The following DCLK1 variants were observed in gnomAD, a reference collection of about 807,000 sequenced individuals.
DCLK1 encodes the protein doublecortin like kinase 1.
Under a neutral mutation model 86.2 loss-of-function variants are expected in DCLK1, and 16 were observed. That is an observed-to-expected ratio of 0.19 (90% CI 0.13 to 0.28). DCLK1 has a LOEUF of 0.28. Ranked by LOEUF, DCLK1 falls within the 10% of genes least tolerant of loss-of-function variation. DCLK1 has a pLI of 1.00. For missense variants in DCLK1, 590 were observed against 940.2 expected (o/e 0.63, Z 4.87); for synonymous variants, 369 against 370.5 (o/e 1.00, Z 0.05).
intron 3 of DCLK1, among the ~76,000 whole-genome samples, chr13:36,063,880 A>T (rs548302606): frequency 6.6e-6 from 1 of 152,334 alleles, no homozygotes; most frequent in African/African-American, 2.4e-5. Context: ...AATATTTATT[A>T]CATGAATAAA....
In DCLK1 at chr13:36,031,558, A is replaced by C. The variant is rs552170500; in HGVS notation, c.723+80311T>G. Reference sequence around the variant, plus strand: ...TTTTATTGCCAGCAGGCCTTAAATTATTTCCTGGTAATACGTTTGACAATA... The same window carrying C: ...TTTTATTGCCAGCAGGCCTTAAATTCTTTCCTGGTAATACGTTTGACAATA... On this transcript the variant is annotated intron_variant, in intron 3 of 16. Transcript: ENST00000360631. 7.9e-5 allele frequency among the ~76,000 whole-genome samples: 12 copies of C among 152,264 alleles called. No homozygotes were observed. In the East Asian group the frequency reaches 2.3e-3, roughly 29 times the overall value.
chr13:35,998,221 C>T (rs1275480972), intron 3 of DCLK1, among the ~76,000 whole-genome samples: 1 of 152,026 alleles, frequency 6.6e-6, no homozygotes, highest in Non-Finnish European at 1.5e-5. Context: ...AGATAAAGTA[C>T]AAAACTACGA....
intron 4 of DCLK1, among the ~76,000 whole-genome samples, chr13:35,909,426 G>A (rs1435714094): frequency 1.3e-5 from 2 of 152,182 alleles, no homozygotes; most frequent in Non-Finnish European, 2.9e-5. Flanking sequence ...GCTCTCCACT[G>A]TATGACATTA....
At chr13:35,899,255 G>A (rs1280752843) in intron 4 of DCLK1, among the ~76,000 whole-genome samples, 5 of 151,870 alleles carry the variant, frequency 3.3e-5, no homozygotes, top group Non-Finnish European at 7.4e-5. Context: ...TATTCTTAAT[G>A]TTCCCAAGCC....
intron 5 of DCLK1, among the ~76,000 whole-genome samples, chr13:35,856,416 T>C (rs143771482): frequency 8.5e-5 from 13 of 152,316 alleles, no homozygotes; most frequent in Non-Finnish European, 1.9e-4. Flanking sequence ...AGAACACATT[T>C]TGTGAATATA....
At chr13:35,834,745 C>A (rs1384702798) in intron 8 of DCLK1, among the ~76,000 whole-genome samples, 1 of 152,138 alleles carries the variant, frequency 6.6e-6, no homozygotes. Flanking sequence ...GGCCTGGCAG[C>A]ATCAACTCAC....
At chr13:35,847,639 GA>G (rs1555343969) in intron 6 of DCLK1, 1 of 918,692 alleles carries the variant, frequency 1.1e-6, no homozygotes, top group Non-Finnish European at 1.3e-6. Context: ...AAGAAAGAAA[GA>G]AAGAAAGAAA....
intron 3 of DCLK1, among the ~76,000 whole-genome samples, chr13:35,974,194 C>G (rs1263264690): frequency 4.6e-5 from 7 of 152,182 alleles, no homozygotes; most frequent in African/African-American, 9.7e-5. Context: ...ATTGAGCCCC[C>G]CTCAGATTCA....
At chr13:36,054,052 A>G (rs1023473963) in intron 3 of DCLK1, among the ~76,000 whole-genome samples, 1 of 152,340 alleles carries the variant, frequency 6.6e-6, no homozygotes, top group African/African-American at 2.4e-5. Flanking sequence ...CTTTTGTCTT[A>G]GATTATCTTT....
At chr13:35,989,155 A>G (rs949964089) in intron 3 of DCLK1, among the ~76,000 whole-genome samples, 5 of 152,188 alleles carry the variant, frequency 3.3e-5, no homozygotes, top group Non-Finnish European at 7.3e-5. Flanking sequence ...GCTTTTCTGA[A>G]TTGACTATCT....
rs1054233216 is a variant in DCLK1 at position 35,774,369 on chromosome 13, T to C, written c.*166A>G. ...TTCACAATCACCACGTGTCATCTTA[T>C]TCAGTAAAGGGAAACCGCTACAAAG... On this transcript the variant is annotated 3_prime_UTR_variant, in exon 17 of 17. Coordinates refer to ENST00000360631, the MANE Select transcript of DCLK1 (RefSeq NM_001330071.2). 8 of 850,534 alleles carry C rather than the reference T, an allele frequency of 9.4e-6. No individual in the cohort carries two copies. In the African/African-American group the frequency reaches 1.2e-4, roughly 13 times the overall value. 52.7% of individuals were successfully genotyped at this position (850,534 alleles called of 1,614,324 possible). A position where few individuals can be genotyped will look rare whatever the true frequency, so the allele number is the denominator to read the frequency against.
At position 35,770,519 on chromosome 13, in the gene DCLK1, T is replaced by G. The variant is rs996502000; in HGVS notation, c.*4016A>C. The G allele has an allele frequency of 3.3e-5, 5 of 152,150 alleles. No homozygotes were observed. The highest frequency in any genetic ancestry group is 2.1e-4 in the South Asian group (1 of 4,830). The allele number at this position is 152,150 out of a possible 1,614,324, so 9.4% of individuals were successfully genotyped here. A position where few individuals can be genotyped will look rare whatever the true frequency, so the allele number is the denominator to read the frequency against. The stretch of plus-strand genomic sequence containing the variant: ...ACTGCATGCAAAGTAAGGGTCTGTG[T>G]GAGAGTATTTTCCCCAAACTCCTAA... On this transcript the variant is annotated 3_prime_UTR_variant, in exon 17 of 17. Coordinates refer to ENST00000360631, the MANE Select transcript of DCLK1 (RefSeq NM_001330071.2).
chr13:35,833,486 GTATGTC>G (rs1457295973), intron 8 of DCLK1, among the ~76,000 whole-genome samples: 1 of 152,100 alleles, frequency 6.6e-6, no homozygotes, highest in Non-Finnish European at 1.5e-5. Context: ...ACTTCCTTTA[GTATGTC>G]CCAGGTACCC....
chr13:36,078,711 G>C (rs1884305383), intron 3 of DCLK1, among the ~76,000 whole-genome samples: 1 of 152,170 alleles, frequency 6.6e-6, no homozygotes, highest in Non-Finnish European at 1.5e-5. Context: ...AGTCAGATTA[G>C]CTCTTGGTAG....
intron 2 of DCLK1, among the ~76,000 whole-genome samples, chr13:36,112,884 A>C (rs1055225766): frequency 6.6e-6 from 1 of 152,256 alleles, no homozygotes; most frequent in African/African-American, 2.4e-5. Flanking sequence ...AATAAATATA[A>C]GTAAATGTTT....
At chr13:36,075,646 T>C (rs1211515837) in intron 3 of DCLK1, among the ~76,000 whole-genome samples, 1 of 152,224 alleles carries the variant, frequency 6.6e-6, no homozygotes, top group Non-Finnish European at 1.5e-5. Flanking sequence ...AATTCTTGTC[T>C]GCAAAATGTG....
chr13:35,861,811 G>A (rs1324110181), intron 5 of DCLK1, among the ~76,000 whole-genome samples: 1 of 142,676 alleles, frequency 7.0e-6, no homozygotes, highest in Non-Finnish European at 1.6e-5. Flanking sequence ...TAGATCACGA[G>A]GTCAGAAGAT....
chr13:35,865,442 A>G (rs1202040351), intron 5 of DCLK1, among the ~76,000 whole-genome samples: 1 of 152,210 alleles, frequency 6.6e-6, no homozygotes, highest in African/African-American at 2.4e-5. Flanking sequence ...CCAGTGTCTC[A>G]GCACGCAATT....
chr13:35,779,837 C>A (rs1055931323), intron 16 of DCLK1, among the ~76,000 whole-genome samples: 1 of 152,060 alleles, frequency 6.6e-6, no homozygotes, highest in African/African-American at 2.4e-5. Context: ...ATATGCAGTT[C>A]ATCTTTTCCA....
Sources: gnomAD v4.1 joint callset for allele counts (sites outside exome capture counted in the v4.1 genomes callset) on GRCh38, gnomAD v4.1.1 for gene constraint, MANE v1.5 for transcripts, NCBI Gene and HGNC (gene_info 2026-07-23, HGNC 2026-07-21) for gene names.